The following RANBP2 variants were observed in gnomAD, a reference collection of about 807,000 sequenced individuals.
The protein encoded by RANBP2 is E3 SUMO-protein ligase RanBP2.
A neutral mutation model predicts 303.6 loss-of-function variants in RANBP2; 57 were observed. The ratio of observed to expected loss-of-function variants is 0.19; its 90% CI spans 0.15 to 0.23. The LOEUF (loss-of-function observed/expected upper bound fraction) is 0.23. Among genes scored for constraint, RANBP2 ranks in the 10% least tolerant of loss-of-function variants. The pLI is 1.00. For synonymous variants in RANBP2, 1,167 were observed against 1,301.5 expected (o/e 0.90, Z 2.23); for missense variants, 3,138 against 3,780.8 (o/e 0.83, Z 4.46).
the RANBP2 span, among the ~76,000 whole-genome samples, chr2:109,364,268 A>G: frequency 6.6e-6 from 1 of 151,932 alleles, no homozygotes; most frequent in Admixed American, 6.6e-5. Context: ...CCAGTCTCCT[A>G]ATAAGCACGT....
intron 17 of RANBP2, among the ~76,000 whole-genome samples, chr2:108,757,961 G>T (rs1676440963): frequency 6.6e-6 from 1 of 152,140 alleles, no homozygotes; most frequent in Admixed American, 6.5e-5. Context: ...TTTAAAATCA[G>T]CACCAGGTAC....
chr2:109,663,248 C>T, the RANBP2 span, among the ~76,000 whole-genome samples: 5,438 of 152,292 alleles, frequency 0.036, 122 homozygotes, highest in Non-Finnish European at 0.047. Flanking sequence ...AGACCTTTTT[C>T]CTCCCTCTTG....
chr2:109,016,145 G>T, the RANBP2 span, among the ~76,000 whole-genome samples: 1 of 152,204 alleles, frequency 6.6e-6, no homozygotes, highest in African/African-American at 2.4e-5. Flanking sequence ...GCAGTGGCGT[G>T]ATCTTGGCTT....
the RANBP2 span, chr2:108,929,265 A>G: frequency 6.2e-7 from 1 of 1,614,192 alleles, no homozygotes; most frequent in Non-Finnish European, 8.5e-7. Context: ...GTGGCCCGGA[A>G]GAAGCCCTCA....
the RANBP2 span, among the ~76,000 whole-genome samples, chr2:109,678,221 T>A: frequency 1.3e-5 from 2 of 152,252 alleles, no homozygotes; most frequent in African/African-American, 4.8e-5. Context: ...TCAGATTATA[T>A]AATTTTTTAA....
chr2:109,358,866 G>A, the RANBP2 span, among the ~76,000 whole-genome samples: 2 of 152,100 alleles, frequency 1.3e-5, no homozygotes, highest in Non-Finnish European at 2.9e-5. Context: ...CCAAACCCAA[G>A]ATCATCTAGA....
chr2:108,722,133 A>G (rs1473062420), intron 1 of RANBP2, among the ~76,000 whole-genome samples: 1 of 152,008 alleles, frequency 6.6e-6, no homozygotes, highest in East Asian at 1.9e-4. Flanking sequence ...AAAGATTAAA[A>G]ACCACTGGTC....
At chr2:109,711,913 G>A in the RANBP2 span, among the ~76,000 whole-genome samples, 3 of 152,076 alleles carry the variant, frequency 2.0e-5, no homozygotes, top group Non-Finnish European at 4.4e-5. Context: ...GCTGCTGCTC[G>A]CTTCTCCCTG....
the RANBP2 span, among the ~76,000 whole-genome samples, chr2:109,444,089 A>G: frequency 0.021 from 3,234 of 152,334 alleles, 57 homozygotes; most frequent in South Asian, 0.049. Context: ...ATTAATACAA[A>G]TAATAACAAA....
chr2:109,590,015 T>C, the RANBP2 span, among the ~76,000 whole-genome samples: 1 of 151,158 alleles, frequency 6.6e-6, no homozygotes, highest in Middle Eastern at 3.4e-3. Context: ...TAATCATATA[T>C]ATATATACAC....
the RANBP2 span, among the ~76,000 whole-genome samples, chr2:109,699,156 C>T: frequency 2.0e-5 from 3 of 152,180 alleles, no homozygotes; most frequent in African/African-American, 4.8e-5. Context: ...TGCTCTCTGG[C>T]GATTCTTTCT....
chr2:109,216,418 C>T, the RANBP2 span, among the ~76,000 whole-genome samples: 1 of 152,218 alleles, frequency 6.6e-6, no homozygotes, highest in East Asian at 1.9e-4. Flanking sequence ...ATCCACTTTG[C>T]AGAGGAGGAA....
At chr2:109,240,158 A>G in the RANBP2 span, among the ~76,000 whole-genome samples, 1 of 152,178 alleles carries the variant, frequency 6.6e-6, no homozygotes. Context: ...TTGTGGAACC[A>G]TGGATCACCC....
chr2:108,755,939 T>C (rs1315130389), intron 17 of RANBP2, among the ~76,000 whole-genome samples: 1 of 151,914 alleles, frequency 6.6e-6, no homozygotes, highest in Non-Finnish European at 1.5e-5. Flanking sequence ...GGCCAAGCTG[T>C]TTTTGAACTT....
At chr2:109,451,812 C>A in the RANBP2 span, among the ~76,000 whole-genome samples, 4 of 152,272 alleles carry the variant, frequency 2.6e-5, no homozygotes, top group African/African-American at 9.6e-5. Context: ...GCCTCCTCCT[C>A]CCCTGATAGC....
the RANBP2 span, among the ~76,000 whole-genome samples, chr2:109,289,920 A>G: frequency 2.3e-3 from 348 of 152,316 alleles, 1 homozygote; most frequent in African/African-American, 7.8e-3. Flanking sequence ...CTCTGCTTCT[A>G]GTTCTTAAAT....
At chr2:108,923,960 G>C in the RANBP2 span, among the ~76,000 whole-genome samples, 7 of 152,252 alleles carry the variant, frequency 4.6e-5, no homozygotes, top group Non-Finnish European at 1.0e-4. Flanking sequence ...TGCCACCAGA[G>C]TGCAGCTGCA....
chr2:108,766,029 T>G lies in RANBP2; in HGVS notation c.5490T>G (p.His1830Gln). ...AFTLGSEMKLHDSSGSQVGTG... is the reference protein window; with the variant it reads ...AFTLGSEMKLQDSSGSQVGTG... Reference sequence around the variant, plus strand: ...CACTGGGCTCAGAAATGAAGTTGCATGACTCTTCTGGAAGTCAGGTGGGAA... The same window carrying G: ...CACTGGGCTCAGAAATGAAGTTGCAGGACTCTTCTGGAAGTCAGGTGGGAA... The change falls in exon 20 of 29, where the codon CAT becomes CAG. Residue 1830 changes from histidine to glutamine, a missense_variant. Coordinates refer to ENST00000283195, the MANE Select transcript of RANBP2 (RefSeq NM_006267.5). The G allele has an allele frequency of 6.2e-7, 1 of 1,614,170 alleles. No homozygotes were observed. The highest frequency in any genetic ancestry group is 8.5e-7 in the Non-Finnish European group (1 of 1,179,988).
the RANBP2 span, chr2:109,613,373 G>A: frequency 7.7e-5 from 26 of 335,674 alleles, no homozygotes; most frequent in South Asian, 6.3e-4. Context: ...TGAAAAGCCA[G>A]GGGAGCCGGG....
Sources: allele counts gnomAD v4.1 joint callset (sites outside exome capture counted in the v4.1 genomes callset), GRCh38; gene constraint gnomAD v4.1.1; transcripts MANE v1.5; gene names NCBI Gene and HGNC (gene_info 2026-07-23, HGNC 2026-07-21).